CHODL: variants seen among roughly 807,000 people sequenced by gnomAD.
The protein encoded by CHODL is transmembrane protein MT75.
In CHODL, 29 loss-of-function variants were observed where a neutral mutation model predicts 34.5. That is an observed-to-expected ratio of 0.84 (90% confidence interval 0.63 to 1.15). CHODL has a LOEUF of 1.15. CHODL is among the 50% of genes most tolerant of loss of function. The probability of loss-of-function intolerance (pLI) is 0.00; values close to 1 mark genes in which losing one functional copy is unlikely to be tolerated. For missense variants in CHODL, 332 were observed against 332.5 expected (o/e 1.00, Z 0.01); for synonymous variants, 125 against 116.1 (o/e 1.08, Z -0.49).
rs532377787 is a variant in CHODL, at chr21:17,949,036, A to T, written c.-145+31636A>T. Among the ~76,000 whole-genome samples, 47 of 152,258 alleles carry T rather than the reference A, an allele frequency of 3.1e-4. 1 individual carries two copies. Among genetic ancestry groups the T allele is most frequent in the Admixed American group, 1.1e-3 (17 of 15,288 alleles). ...TGGAGTTAGAATACCTAACTATGCA[A>T]CACTTTGATTACTTTCAGCTGACCT... On this transcript the variant is annotated intron_variant, in intron 1 of 6. Transcript: ENST00000400127.
intron 1 of CHODL, among the ~76,000 whole-genome samples, chr21:17,978,925 C>G (rs1270114001): frequency 6.6e-6 from 1 of 152,042 alleles, no homozygotes; most frequent in Non-Finnish European, 1.5e-5. Flanking sequence ...CAATAGGCCC[C>G]TCTCTGTCCA....
chr21:18,181,674 GC>G (rs1276715103), intron 2 of CHODL, among the ~76,000 whole-genome samples: 1 of 152,174 alleles, frequency 6.6e-6, no homozygotes, highest in East Asian at 1.9e-4. Flanking sequence ...ACAGGCGTGA[GC>G]CACCGCGCCC....
At chr21:18,119,739 T>A (rs2065457288) in intron 2 of CHODL, among the ~76,000 whole-genome samples, 2 of 152,064 alleles carry the variant, frequency 1.3e-5, no homozygotes, top group Admixed American at 1.3e-4. Flanking sequence ...AAAGTAGGGA[T>A]GGAAATAAAT....
intron 2 of CHODL, among the ~76,000 whole-genome samples, chr21:18,183,772 A>G (rs971856477): frequency 4.6e-5 from 7 of 151,122 alleles, no homozygotes; most frequent in Non-Finnish European, 8.8e-5. Flanking sequence ...AACTGGGGGA[A>G]GAGGCCACAG....
At chr21:18,174,873 A>G (rs1179142163) in intron 2 of CHODL, among the ~76,000 whole-genome samples, 1 of 152,230 alleles carries the variant, frequency 6.6e-6, no homozygotes, top group Non-Finnish European at 1.5e-5. Flanking sequence ...GCATTTTAGC[A>G]AATTCTTAGA....
At chr21:18,084,767 A>G (rs2064983341) in intron 2 of CHODL, among the ~76,000 whole-genome samples, 1 of 152,084 alleles carries the variant, frequency 6.6e-6, no homozygotes, top group African/African-American at 2.4e-5. Context: ...ATTTTCTGTA[A>G]ATGTCTGTTA....
intron 1 of CHODL, among the ~76,000 whole-genome samples, chr21:17,967,524 C>T (rs561832466): frequency 4.6e-4 from 70 of 152,288 alleles, no homozygotes; most frequent in African/African-American, 1.6e-3. Flanking sequence ...TCTAGATTTA[C>T]CTCAAGCTCT....
chr21:17,984,986 C>G (rs1399871682), intron 1 of CHODL, among the ~76,000 whole-genome samples: 1 of 152,078 alleles, frequency 6.6e-6, no homozygotes, highest in Admixed American at 6.6e-5. Context: ...CACAATACAT[C>G]TTAATATCTC....
In CHODL at chr21:18,063,484, A is replaced by G. The variant is rs553287764; in HGVS notation, c.-45+35513A>G. Among the ~76,000 whole-genome samples, 193 of 152,310 alleles carry G rather than the reference A, an allele frequency of 1.3e-3. 1 individual carries two copies. Among genetic ancestry groups the G allele is most frequent in the Middle Eastern group, 3.4e-3 (1 of 294 alleles). Reference sequence around the variant, plus strand: ...TGTGTACAGATTTTTCTCTAGGAAAAAAATTGATTGAAGAGAAAATCGGTC... The same window carrying G: ...TGTGTACAGATTTTTCTCTAGGAAAGAAATTGATTGAAGAGAAAATCGGTC... On this transcript the variant is annotated intron_variant, in intron 2 of 6. Transcript: ENST00000400127.
intron 2 of CHODL, among the ~76,000 whole-genome samples, chr21:18,128,160 G>T (rs1381083259): frequency 1.3e-5 from 2 of 151,240 alleles, no homozygotes; most frequent in African/African-American, 4.9e-5. Flanking sequence ...AATTAGCTGG[G>T]CGTGGTGGCG....
intron 2 of CHODL, among the ~76,000 whole-genome samples, chr21:18,186,466 A>G (rs1014035749): frequency 5.9e-5 from 9 of 152,148 alleles, no homozygotes; most frequent in Admixed American, 1.3e-4. Context: ...GGTCCCAGAA[A>G]TATAAATCAT....
At chr21:18,013,207 C>G (rs1486649138) in intron 1 of CHODL, among the ~76,000 whole-genome samples, 5 of 152,104 alleles carry the variant, frequency 3.3e-5, no homozygotes, top group African/African-American at 4.8e-5. Flanking sequence ...CACTCTCTTA[C>G]CAGTGTTTAT....
At chr21:17,941,486 C>A (rs1289874747) in intron 1 of CHODL, among the ~76,000 whole-genome samples, 4 of 148,658 alleles carry the variant, frequency 2.7e-5, no homozygotes, top group African/African-American at 9.9e-5. Flanking sequence ...AGTACAACCA[C>A]CCTGGCTTTC....
At chr21:17,945,072 C>G (rs1217337833) in intron 1 of CHODL, among the ~76,000 whole-genome samples, 6 of 151,722 alleles carry the variant, frequency 4.0e-5, no homozygotes, top group Non-Finnish European at 8.8e-5. Flanking sequence ...ATTAGCCGGG[C>G]ATGGTGGCAG....
intron 1 of CHODL, among the ~76,000 whole-genome samples, chr21:17,988,402 T>TAA (rs1555847366): frequency 4.3e-5 from 6 of 140,138 alleles, no homozygotes; most frequent in South Asian, 2.2e-4. Flanking sequence ...TTCCTTTTTT[T>TAA]TTATTATTAT....
intron 2 of CHODL, among the ~76,000 whole-genome samples, chr21:18,062,956 A>G (rs1600954352): frequency 1.3e-5 from 2 of 152,212 alleles, no homozygotes; most frequent in South Asian, 4.1e-4. Context: ...TTCTGATTTT[A>G]AAAAAGAATG....
At chr21:17,928,710 C>A (rs544695182) in intron 1 of CHODL, among the ~76,000 whole-genome samples, 1 of 152,324 alleles carries the variant, frequency 6.6e-6, no homozygotes, top group South Asian at 2.1e-4. Flanking sequence ...AACCTCCTTA[C>A]TTCCCCTGCT....
chr21:18,234,171 C>T (rs752588530), intron 2 of CHODL, among the ~76,000 whole-genome samples: 4 of 152,106 alleles, frequency 2.6e-5, no homozygotes, highest in Non-Finnish European at 2.9e-5. Flanking sequence ...TTCTCTCGTT[C>T]GAATGCGCTA....
At chr21:18,139,867 T>A (rs894161442) in intron 2 of CHODL, among the ~76,000 whole-genome samples, 4 of 152,040 alleles carry the variant, frequency 2.6e-5, no homozygotes, top group Non-Finnish European at 4.4e-5. Flanking sequence ...GGGAGAAAGG[T>A]GGGAATGGGA....
Sources: gnomAD v4.1 joint callset for allele counts (sites outside exome capture counted in the v4.1 genomes callset) on GRCh38, gnomAD v4.1.1 for gene constraint, MANE v1.5 for transcripts, NCBI Gene and HGNC (gene_info 2026-07-23, HGNC 2026-07-21) for gene names.